Variants in TRMT11 observed in about 807,000 individuals in gnomAD.
The protein encoded by TRMT11 is tRNA (guanine(10)-N(2))-methyltransferase TRMT11.
A neutral mutation model predicts 62.8 loss-of-function variants in TRMT11; 53 were observed. The ratio of observed to expected loss-of-function variants is 0.84; its 90% confidence interval spans 0.68 to 1.06. TRMT11 has a LOEUF of 1.06. Ranked by LOEUF, TRMT11 falls within the 50% of genes least tolerant of loss-of-function variation. The pLI, the probability that TRMT11 is intolerant of heterozygous loss-of-function variation, is 0.00. For missense variants in TRMT11, 556 were observed against 553.4 expected (o/e 1.00, Z -0.05); for synonymous variants, 188 against 190.3 (o/e 0.99, Z 0.10).
upstream of TRMT11, among the ~76,000 whole-genome samples, chr6:126,175,043 C>G (rs549760597): frequency 6.6e-6 from 1 of 152,178 alleles, no homozygotes; most frequent in Non-Finnish European, 1.5e-5. Flanking sequence ...TGGCTTCAAA[C>G]TATCCAACTA....
chr6:126,200,648 G>T (rs540279432), intron 3 of TRMT11, among the ~76,000 whole-genome samples: 1 of 152,084 alleles, frequency 6.6e-6, no homozygotes. Context: ...TCCGCCTCTT[G>T]GGTTCACGAC....
intron 21 of TRMT11, among the ~76,000 whole-genome samples, chr6:126,167,665 A>G (rs1319176027): frequency 6.6e-6 from 1 of 152,202 alleles, no homozygotes; most frequent in Non-Finnish European, 1.5e-5. Context: ...AGGAGAAGGC[A>G]ATGCTCTTAT....
intron 8 of TRMT11, chr6:126,009,292 T>C (rs1187286409): frequency 6.6e-6 from 1 of 152,018 alleles, no homozygotes; most frequent in Non-Finnish European, 1.5e-5. Context: ...GATTCTGCCT[T>C]GAACTGAGAG....
chr6:126,157,780 G>A (rs1297577444), intron 21 of TRMT11, among the ~76,000 whole-genome samples: 2 of 152,146 alleles, frequency 1.3e-5, no homozygotes, highest in African/African-American at 4.8e-5. Flanking sequence ...GTTCAAAAGA[G>A]AGTTACTCTA....
At chr6:126,087,334 A>C (rs1777226846) in intron 17 of TRMT11, among the ~76,000 whole-genome samples, 1 of 152,192 alleles carries the variant, frequency 6.6e-6, no homozygotes, top group South Asian at 2.1e-4. Context: ...ATTAAAGAAA[A>C]AAAATTCTAA....
At chr6:126,080,396 C>A (rs1777136412) in intron 17 of TRMT11, among the ~76,000 whole-genome samples, 1 of 152,016 alleles carries the variant, frequency 6.6e-6, no homozygotes, top group African/African-American at 2.4e-5. Flanking sequence ...GCCTGAAAAA[C>A]TCTAGTTCTT....
At chr6:126,192,624 C>A (rs1302126184) in intron 1 of TRMT11, among the ~76,000 whole-genome samples, 2 of 151,970 alleles carry the variant, frequency 1.3e-5, no homozygotes, top group African/African-American at 4.8e-5. Context: ...CCTTTTATAT[C>A]CAATTTGTCA....
At chr6:126,032,756 C>T (rs1345996664) in intron 12 of TRMT11, among the ~76,000 whole-genome samples, 3 of 152,126 alleles carry the variant, frequency 2.0e-5, no homozygotes, top group Admixed American at 6.5e-5. Context: ...TGTGAATTCA[C>T]GGAACTTGAC....
intron 1 of TRMT11, among the ~76,000 whole-genome samples, chr6:126,188,946 C>T (rs559537596): frequency 2.6e-5 from 4 of 151,968 alleles, no homozygotes; most frequent in Non-Finnish European, 5.9e-5. Flanking sequence ...GGAGGAAGTA[C>T]ATTTTAAACA....
At chr6:126,102,780 T>C (rs1777416332) in intron 17 of TRMT11, among the ~76,000 whole-genome samples, 1 of 152,144 alleles carries the variant, frequency 6.6e-6, no homozygotes. Flanking sequence ...CTACTGGCAA[T>C]AATAATAGCA....
chr6:125,998,314 A>G lies in TRMT11; in HGVS notation c.386A>G (p.Asp129Gly), dbSNP rs1471073467. The G allele has an allele frequency of 6.3e-7, 1 of 1,578,616 alleles. No homozygotes were observed. The highest frequency in any genetic ancestry group is 1.1e-5 in the South Asian group (1 of 87,844). Residue 129 changes from aspartate to glycine, a missense_variant and splice_region_variant, in exon 5 of 13, where the codon GAT (aspartate) becomes GGT (glycine). Coordinates refer to ENST00000334379, the MANE Select transcript of TRMT11 (RefSeq NM_001031712.3). ...LTQEEKIKRI[D>G]ALEFLPFEGK... ...CAAGAAGAGAAAATCAAGCGAATAG[A>G]TGTAAGTAAATTTAGCAAAACAAAA...
chr6:126,178,651 G>A (rs1562341881), intron 1 of TRMT11, among the ~76,000 whole-genome samples: 1 of 152,114 alleles, frequency 6.6e-6, no homozygotes, highest in East Asian at 1.9e-4. Flanking sequence ...AGTATGTATA[G>A]CGCATGTTTC....
chr6:126,192,737 A>G (rs1478624302), intron 1 of TRMT11, among the ~76,000 whole-genome samples: 3 of 152,166 alleles, frequency 2.0e-5, no homozygotes, highest in Non-Finnish European at 4.4e-5. Flanking sequence ...GATATGATGT[A>G]TCATGTTTAT....
intron 17 of TRMT11, among the ~76,000 whole-genome samples, chr6:126,067,771 T>C (rs969872738): frequency 2.6e-5 from 4 of 152,210 alleles, no homozygotes; most frequent in Non-Finnish European, 5.9e-5. Flanking sequence ...CAAATTATTT[T>C]CCAAAGTGGT....
chr6:126,131,008 G>C lies in TRMT11; in HGVS notation c.*1823+15153G>C, dbSNP rs552254897. ...ATAATTACGAAGCACGCAGTGGGAAGTGTTATTGCTTGGAGCCAAGTCTAT... is the reference window on the plus strand; with the variant it reads ...ATAATTACGAAGCACGCAGTGGGAACTGTTATTGCTTGGAGCCAAGTCTAT... On this transcript the variant is annotated intron_variant and NMD_transcript_variant, in intron 21 of 22. Transcript: ENST00000648977. Among the ~76,000 whole-genome samples the C allele has an allele frequency of 2.8e-4, 43 of 152,198 alleles. 1 individual carries two copies. The highest frequency in any genetic ancestry group is 6.8e-3 in the Middle Eastern group (2 of 294).
the TRMT11 span, among the ~76,000 whole-genome samples, chr6:126,240,602 G>T: frequency 5.9e-4 from 90 of 152,302 alleles, 1 homozygote; most frequent in South Asian, 0.018. Flanking sequence ...GGCCGTGTGA[G>T]GTGTCAGTCT....
At chr6:126,252,572 C>T in the TRMT11 span, among the ~76,000 whole-genome samples, 3 of 152,246 alleles carry the variant, frequency 2.0e-5, no homozygotes, top group African/African-American at 7.2e-5. Flanking sequence ...AGAAGAGTAT[C>T]CGCAAATTTC....
chr6:126,017,385 G>A (rs1389528123), intron 11 of TRMT11, among the ~76,000 whole-genome samples: 1 of 152,204 alleles, frequency 6.6e-6, no homozygotes, highest in Non-Finnish European at 1.5e-5. Context: ...ATGGAAAATT[G>A]TGAGAGCTAA....
At chr6:125,988,183 G>C (rs568133833) in intron 1 of TRMT11, among the ~76,000 whole-genome samples, 4 of 152,272 alleles carry the variant, frequency 2.6e-5, no homozygotes, top group African/African-American at 9.6e-5. Flanking sequence ...AGTGAGAAAA[G>C]AATGAAAAAG....
Sources: gnomAD v4.1 joint callset for allele counts (sites outside exome capture counted in the v4.1 genomes callset) on GRCh38, gnomAD v4.1.1 for gene constraint, MANE v1.5 for transcripts, NCBI Gene and HGNC (gene_info 2026-07-23, HGNC 2026-07-21) for gene names.